ZNF695: variants seen among roughly 807,000 people sequenced by gnomAD.
ZNF695 encodes zinc finger protein 695.
Under a neutral mutation model 11.2 loss-of-function variants are expected in ZNF695, and 11 were observed. The observed-to-expected ratio is 0.98, with a 90% CI of 0.62 to 1.62. ZNF695 has a LOEUF of 1.62. Among genes scored for constraint, ZNF695 ranks in the 40% most tolerant of loss-of-function variants. ZNF695 has a pLI of 0.00. For synonymous variants in ZNF695, 190 were observed against 201.4 expected (o/e 0.94, Z 0.48); for missense variants, 559 against 590.5 (o/e 0.95, Z 0.55).
chr1:246,959,009 C>A (rs901260781), intron 5 of ZNF695, among the ~76,000 whole-genome samples: 2 of 151,856 alleles, frequency 1.3e-5, no homozygotes, highest in Admixed American at 6.6e-5. Flanking sequence ...TGTGTCTTGG[C>A]CAGGTGCGTT....
chr1:246,994,575 C>T (rs12405787), intron 3 of ZNF695, among the ~76,000 whole-genome samples: 90,753 of 151,380 alleles, frequency 0.6, 29,225 homozygotes, highest in East Asian at 0.98. Context: ...TGGTGGCTCA[C>T]GCCTGTAATC....
intron 1 of ZNF695, among the ~76,000 whole-genome samples, chr1:247,003,844 T>C (rs1356076360): frequency 1.3e-5 from 2 of 152,254 alleles, no homozygotes; most frequent in African/African-American, 4.8e-5. Flanking sequence ...TGTTCCACAC[T>C]GAAACACTGT....
At chr1:246,970,798 G>A (rs963620107) in intron 4 of ZNF695, among the ~76,000 whole-genome samples, 4 of 152,186 alleles carry the variant, frequency 2.6e-5, no homozygotes, top group Non-Finnish European at 5.9e-5. Flanking sequence ...ACGAAGTCTC[G>A]CTCTGTCGCC....
chr1:246,952,463 G>A (rs950282454), intron 5 of ZNF695, among the ~76,000 whole-genome samples: 3 of 151,978 alleles, frequency 2.0e-5, no homozygotes, highest in African/African-American at 7.2e-5. Flanking sequence ...TTTGTTCACA[G>A]TTCATATCTC....
chr1:247,007,930 A>G lies in ZNF695; in HGVS notation c.-22T>C. On this transcript the variant is annotated 5_prime_UTR_variant, in exon 1 of 4. Transcript: ENST00000339986. ...CCATTTCCCAGCTTTTGGGGGTCCC[A>G]GCGTCCTCCCTATAAATCTCGCAAT... 1 of 1,522,004 alleles carries G rather than the reference A, an allele frequency of 6.6e-7. No individual in the cohort carries two copies. The highest frequency in any genetic ancestry group is 8.9e-7 in the Non-Finnish European group (1 of 1,126,904). 94.3% of individuals were successfully genotyped at this position (1,522,004 alleles called of 1,614,324 possible).
At chr1:246,982,094 A>T (rs745346399), downstream of ZNF695, among the ~76,000 whole-genome samples, 31 of 152,108 alleles carry the variant, frequency 2.0e-4, no homozygotes, top group Admixed American at 5.9e-4. Context: ...AACATGGAGA[A>T]ACCCGGACTC....
chr1:247,001,495 T>G (rs1049164463), intron 1 of ZNF695, among the ~76,000 whole-genome samples: 1 of 151,502 alleles, frequency 6.6e-6, no homozygotes, highest in African/African-American at 2.4e-5. Context: ...GCAGATCACT[T>G]GAGGTCAGGA....
intron 5 of ZNF695, among the ~76,000 whole-genome samples, chr1:246,958,578 C>T (rs1204229820): frequency 6.6e-6 from 1 of 152,140 alleles, no homozygotes; most frequent in Non-Finnish European, 1.5e-5. Flanking sequence ...AGTCCCCAGC[C>T]ATGAGCAAGC....
exon 6 of ZNF695, chr1:246,945,778 C>G (rs762692872): frequency 6.5e-7 from 1 of 1,550,254 alleles, no homozygotes; most frequent in East Asian, 2.4e-5. Context: ...CAAGCAGCGA[C>G]GGAACCTCCG....
intron 1 of ZNF695, 39 bp downstream of exon 1, chr1:247,007,867 C>T (rs780778456): frequency 1.3e-6 from 2 of 1,537,580 alleles, no homozygotes; most frequent in Non-Finnish European, 1.8e-6. Context: ...TCCAACCACC[C>T]CCTCTCCCTT....
intron 1 of ZNF695, among the ~76,000 whole-genome samples, chr1:247,005,545 C>T (rs1037070859): frequency 2.0e-5 from 3 of 152,014 alleles, no homozygotes; most frequent in African/African-American, 7.2e-5. Context: ...GAAACCCTGT[C>T]TCTATTAAAA....
chr1:247,007,568 G>A (rs1320105454), intron 1 of ZNF695, among the ~76,000 whole-genome samples: 1 of 151,328 alleles, frequency 6.6e-6, no homozygotes, highest in Non-Finnish European at 1.5e-5. Flanking sequence ...AACCTTTCAC[G>A]GGAGTCGGGA....
intron 3 of ZNF695, among the ~76,000 whole-genome samples, chr1:246,993,165 T>C (rs1468806201): frequency 6.6e-6 from 1 of 152,118 alleles, no homozygotes; most frequent in African/African-American, 2.4e-5. Context: ...TCCTAGCCCT[T>C]TGGGAGGCCG....
Position 246,947,661 on chromosome 1 carries a change from C to T in ZNF695, c.489-1834G>A, listed in dbSNP as rs548252855. Among the ~76,000 whole-genome samples, 8 of 109,174 alleles carry T rather than the reference C, an allele frequency of 7.3e-5. No homozygotes were observed. The East Asian group carries it at 1.4e-3, about 19-fold the overall frequency. 71.6% of individuals were successfully genotyped at this position (109,174 alleles called of 152,430 possible). On this transcript the variant is annotated intron_variant, in intron 5 of 5. Coordinates refer to the ZNF695 transcript ENST00000487338. Reference sequence around the variant, plus strand: ...GGCGTTTCCATGCATCTCAACCACACGTTTATTCACAGTCTCTTGATTTAA... The same window carrying T: ...GGCGTTTCCATGCATCTCAACCACATGTTTATTCACAGTCTCTTGATTTAA...
intron 3 of ZNF695, among the ~76,000 whole-genome samples, chr1:246,997,040 C>T (rs1256705318): frequency 1.3e-5 from 2 of 152,092 alleles, no homozygotes; most frequent in African/African-American, 4.8e-5. Context: ...GTGTACAGAA[C>T]TGAATATGTT....
intron 5 of ZNF695, among the ~76,000 whole-genome samples, chr1:246,962,065 C>T (rs61852582): frequency 0.1 from 15,612 of 152,268 alleles, 881 homozygotes; most frequent in Middle Eastern, 0.17. Flanking sequence ...TGTGTAATTT[C>T]CTTCTCTGGT....
chr1:246,971,999 G>A (rs1452543592), intron 4 of ZNF695, among the ~76,000 whole-genome samples: 5 of 152,198 alleles, frequency 3.3e-5, no homozygotes, highest in Non-Finnish European at 5.9e-5. Flanking sequence ...GCCTCCCAAA[G>A]TGCTGGGATT....
chr1:246,950,723 C>G (rs1345699345), intron 5 of ZNF695, among the ~76,000 whole-genome samples: 1 of 150,162 alleles, frequency 6.7e-6, no homozygotes, highest in Non-Finnish European at 1.5e-5. Flanking sequence ...ATTTGTAAAG[C>G]TATTAACATT....
At chr1:246,963,209 C>T (rs543377053) in intron 5 of ZNF695, among the ~76,000 whole-genome samples, 1 of 152,308 alleles carries the variant, frequency 6.6e-6, no homozygotes, top group Admixed American at 6.5e-5. Context: ...GCCACTGCTT[C>T]TGCATTCATT....
Sources: allele counts gnomAD v4.1 joint callset (sites outside exome capture counted in the v4.1 genomes callset), GRCh38; gene constraint gnomAD v4.1.1; transcripts MANE v1.5; gene names NCBI Gene and HGNC (gene_info 2026-07-23, HGNC 2026-07-21).